Variants in OXR1 observed in about 807,000 individuals in gnomAD.
OXR1 encodes the protein oxidation resistance 1.
A neutral mutation model predicts 104.6 loss-of-function variants in OXR1; 41 were observed. That is an observed-to-expected ratio of 0.39 (90% CI 0.31 to 0.51). OXR1 has a LOEUF of 0.51. Ranked by LOEUF, OXR1 falls within the 20% of genes least tolerant of loss-of-function variation. The probability of loss-of-function intolerance (pLI) is 0.77; values close to 1 mark genes in which losing one functional copy is unlikely to be tolerated. For synonymous variants in OXR1, 348 were observed against 348.4 expected (o/e 1.00, Z 0.01); for missense variants, 955 against 1,031.9 (o/e 0.93, Z 1.02).
intron 11 of OXR1, among the ~76,000 whole-genome samples, chr8:106,722,353 C>G (rs534854415): frequency 6.6e-6 from 1 of 150,970 alleles, no homozygotes; most frequent in East Asian, 1.9e-4. Context: ...TAATACTGAT[C>G]GAATAATCAA....
At chr8:106,455,330 C>G (rs1394585675) in intron 2 of OXR1, among the ~76,000 whole-genome samples, 1 of 152,148 alleles carries the variant, frequency 6.6e-6, no homozygotes, top group Non-Finnish European at 1.5e-5. Flanking sequence ...TGATAAATGA[C>G]AATTTATATC....
chr8:106,685,984 A>G (rs544294581), intron 6 of OXR1, among the ~76,000 whole-genome samples: 6 of 152,284 alleles, frequency 3.9e-5, no homozygotes, highest in Admixed American at 3.3e-4. Flanking sequence ...AGCAACCTGG[A>G]TGGAATTGGA....
Position 106,639,176 on chromosome 8 carries a change from G to A in OXR1, c.221-40034G>A, listed in dbSNP as rs948402193. On this transcript the variant is annotated intron_variant, in intron 3 of 16. Coordinates refer to ENST00000517566, the MANE Select transcript of OXR1 (RefSeq NM_001198533.2). Reference sequence around the variant, plus strand: ...AGGTTGACTGGACCCCTTCTGACTGGTTGCTATGAATCTTCCTTTTTTTTG... The same window carrying A: ...AGGTTGACTGGACCCCTTCTGACTGATTGCTATGAATCTTCCTTTTTTTTG... Among the ~76,000 whole-genome samples, 7 of 152,136 alleles carry A rather than the reference G, an allele frequency of 4.6e-5. No homozygotes were observed. In the East Asian group the frequency reaches 9.6e-4, roughly 21 times the overall value.
chr8:106,707,450 C>G, intron 9 of OXR1: 1 of 514,724 alleles, frequency 1.9e-6, no homozygotes. Context: ...CTGTATAATA[C>G]CTTTGATCAC....
At chr8:106,508,813 G>A (rs964981218) in intron 2 of OXR1, among the ~76,000 whole-genome samples, 5 of 152,122 alleles carry the variant, frequency 3.3e-5, no homozygotes, top group Non-Finnish European at 5.9e-5. Flanking sequence ...GGAAAGTTAA[G>A]AGGGTAGATC....
intron 2 of OXR1, 53 bp from the exon 3 acceptor site, chr8:106,518,890 C>A (rs1813057053): frequency 7.6e-7 from 1 of 1,323,460 alleles, no homozygotes; most frequent in Non-Finnish European, 1.0e-6. Flanking sequence ...AAACATGGAA[C>A]AAATGTGTCT....
At chr8:106,667,567 T>C (rs1012815810) in intron 3 of OXR1, among the ~76,000 whole-genome samples, 1 of 152,144 alleles carries the variant, frequency 6.6e-6, no homozygotes, top group African/African-American at 2.4e-5. Flanking sequence ...GAAGATAAAA[T>C]GACTGTGTGG....
chr8:106,404,954 G>T (rs184281768), intron 2 of OXR1, among the ~76,000 whole-genome samples: 4 of 151,728 alleles, frequency 2.6e-5, no homozygotes, highest in African/African-American at 9.7e-5. Flanking sequence ...ATCCACCCGC[G>T]TCAGCCTCCC....
intron 11 of OXR1, among the ~76,000 whole-genome samples, chr8:106,734,131 A>AT (rs1323699752): frequency 1.3e-5 from 2 of 150,704 alleles, no homozygotes; most frequent in Non-Finnish European, 3.0e-5. Flanking sequence ...AATTTTTTGT[A>AT]TTTTTTTGTA....
intron 11 of OXR1, among the ~76,000 whole-genome samples, chr8:106,727,733 C>T (rs1833489912): frequency 6.6e-6 from 1 of 152,114 alleles, no homozygotes; most frequent in Non-Finnish European, 1.5e-5. Flanking sequence ...TCTGTTCATT[C>T]TTATGGGAGG....
Position 106,277,887 on chromosome 8 carries a change from A to G in OXR1, c.-139+7520A>G, listed in dbSNP as rs563801827. On this transcript the variant is annotated intron_variant, in intron 1 of 16. Transcript: ENST00000517566. ...TCAGGTCAAGAGCCCTCCACCAGTC[A>G]TAGTGGCTGGAAAGGTGGAATATAC... Among the ~76,000 whole-genome samples the G allele has an allele frequency of 2.6e-5, 4 of 152,356 alleles. No homozygotes were observed. The South Asian group carries it at 8.3e-4, about 32-fold the overall frequency.
intron 2 of OXR1, among the ~76,000 whole-genome samples, chr8:106,482,175 G>T (rs1234647619): frequency 6.6e-6 from 1 of 151,918 alleles, no homozygotes; most frequent in Non-Finnish European, 1.5e-5. Context: ...ACATCAAGCT[G>T]CCCTCATGGC....
chr8:106,455,941 A>G (rs1392904519), intron 2 of OXR1, among the ~76,000 whole-genome samples: 2 of 152,198 alleles, frequency 1.3e-5, no homozygotes, highest in Non-Finnish European at 2.9e-5. Flanking sequence ...CAAAAACTTT[A>G]AAAAATATTT....
chr8:106,499,401 A>G (rs1201602552), intron 2 of OXR1, among the ~76,000 whole-genome samples: 1 of 152,008 alleles, frequency 6.6e-6, no homozygotes, highest in Non-Finnish European at 1.5e-5. Flanking sequence ...TATACGTTTC[A>G]TGTAAAATAT....
Position 106,506,588 on chromosome 8 carries a change from G to A in OXR1, c.24-12355G>A, listed in dbSNP as rs1034340411. Among the ~76,000 whole-genome samples the A allele has an allele frequency of 2.0e-5, 3 of 152,060 alleles. No homozygotes were observed. The East Asian group carries it at 5.8e-4, about 29-fold the overall frequency. ...ATCACGCCGCAGCCCTCCAGCCTGG[G>A]TGACAGAGCGAGACTCCATCTCAAA... On this transcript the variant is annotated intron_variant, in intron 2 of 16. Coordinates refer to ENST00000517566, the MANE Select transcript of OXR1 (RefSeq NM_001198533.2).
At chr8:106,648,275 T>C (rs1199653266) in intron 3 of OXR1, among the ~76,000 whole-genome samples, 2 of 152,174 alleles carry the variant, frequency 1.3e-5, no homozygotes, top group East Asian at 1.9e-4. Context: ...AATAAAAAGA[T>C]TGAGAAGATT....
At chr8:106,296,052 G>A (rs541221229) in intron 1 of OXR1, among the ~76,000 whole-genome samples, 34 of 152,208 alleles carry the variant, frequency 2.2e-4, no homozygotes, top group African/African-American at 8.2e-4. Flanking sequence ...TGTTCCTGTA[G>A]GTGTACCACT....
At chr8:106,406,583 A>G (rs1345370360) in intron 2 of OXR1, among the ~76,000 whole-genome samples, 1 of 152,206 alleles carries the variant, frequency 6.6e-6, no homozygotes, top group Non-Finnish European at 1.5e-5. Context: ...ACTAAATGAA[A>G]GAAGCTAATC....
intron 11 of OXR1, chr8:106,726,348 A>G (rs1167915692): frequency 1.9e-6 from 2 of 1,038,802 alleles, no homozygotes; most frequent in African/African-American, 3.3e-5. Flanking sequence ...TATATATACT[A>G]GTCTTTTCAT....
Sources: gnomAD v4.1 joint callset for allele counts (sites outside exome capture counted in the v4.1 genomes callset) on GRCh38, gnomAD v4.1.1 for gene constraint, MANE v1.5 for transcripts, NCBI Gene and HGNC (gene_info 2026-07-23, HGNC 2026-07-21) for gene names.